MBD5: variants seen among roughly 807,000 people sequenced by gnomAD.
The protein encoded by MBD5 is methyl-CpG binding domain protein 5, also known as methyl-CpG-binding domain protein 5.
Under a neutral mutation model 117.3 loss-of-function variants are expected in MBD5, and 13 were observed. That is an observed-to-expected ratio of 0.11 (90% CI 0.07 to 0.18). MBD5 has a LOEUF of 0.18. Among genes scored for constraint, MBD5 ranks in the 10% least tolerant of loss-of-function variants. The pLI is 1.00. For synonymous variants in MBD5, 727 were observed against 766.4 expected (o/e 0.95, Z 0.85); for missense variants, 1,879 against 2,093.8 (o/e 0.90, Z 2.00).
chr2:148,029,322 G>T (rs1296660226), intron 1 of MBD5, among the ~76,000 whole-genome samples: 3 of 151,126 alleles, frequency 2.0e-5, no homozygotes, highest in Non-Finnish European at 2.9e-5. Context: ...TATTTAAATG[G>T]TCCACCTTAG....
chr2:148,079,921 A>G (rs1695606852), intron 1 of MBD5, among the ~76,000 whole-genome samples: 1 of 151,918 alleles, frequency 6.6e-6, no homozygotes, highest in African/African-American at 2.4e-5. Flanking sequence ...GCTTTTACCC[A>G]TTTTCCATAA....
At chr2:148,375,573 T>C (rs1345707502) in intron 4 of MBD5, among the ~76,000 whole-genome samples, 1 of 152,188 alleles carries the variant, frequency 6.6e-6, no homozygotes, top group Non-Finnish European at 1.5e-5. Context: ...TGCTGGGATA[T>C]GGGGTACTTG....
rs1287347970 is a variant in MBD5 at position 148,484,028 on chromosome 2, T to G, written c.3437T>G (p.Leu1146Trp). 9.0e-6 allele frequency: 14 copies of G among 1,550,356 alleles called. 1 individual carries two copies. In the South Asian group the frequency reaches 1.3e-4, roughly 14 times the overall value. ...GCAGTGGTGTCAATGGCAGAAACAT[T>G]GCTGAATATATCTAATAATGCTGGG... is the stretch of plus-strand genomic sequence containing the variant. ...GTAVVSMAET[L>W]LNISNNAGNT... Residue 1146 changes from leucine to tryptophan, a missense_variant, in exon 9 of 14, where the codon TTG (leucine) becomes TGG (tryptophan). Transcript: ENST00000642680.
chr2:148,363,890 G>A lies in MBD5; in HGVS notation c.-557+21554G>A, dbSNP rs1020243871. On this transcript the variant is annotated intron_variant, in intron 4 of 13. Coordinates refer to ENST00000642680, the MANE Select transcript of MBD5 (RefSeq NM_001378120.1). ...TTTGATTGGTGTACCTGAAAGTGAC[G>A]GGGAGAATGGAACCAAGTTGGAAAA... 5.3e-5 allele frequency among the ~76,000 whole-genome samples: 8 copies of A among 152,146 alleles called. No homozygotes were observed. In the East Asian group the frequency reaches 5.8e-4, roughly 11 times the overall value.
chr2:148,328,583 G>A (rs1197326313), intron 3 of MBD5, among the ~76,000 whole-genome samples: 1 of 152,208 alleles, frequency 6.6e-6, no homozygotes, highest in African/African-American at 2.4e-5. Context: ...CGCAGTATTC[G>A]GGTGGGAGTG....
At chr2:148,214,353 T>C (rs1291348139) in intron 2 of MBD5, among the ~76,000 whole-genome samples, 2 of 152,176 alleles carry the variant, frequency 1.3e-5, no homozygotes, top group Non-Finnish European at 1.5e-5. Flanking sequence ...TATGTAACTT[T>C]TTGCTGTCAA....
chr2:148,417,751 A>G (rs188884845), intron 4 of MBD5, among the ~76,000 whole-genome samples: 239 of 151,296 alleles, frequency 1.6e-3, no homozygotes, highest in Admixed American at 4.4e-3. Flanking sequence ...CGCCATTTGT[A>G]TATCTTCTTT....
At chr2:148,143,545 A>G (rs1413310664) in intron 1 of MBD5, among the ~76,000 whole-genome samples, 1 of 152,144 alleles carries the variant, frequency 6.6e-6, no homozygotes. Context: ...TTACATACAT[A>G]TGTATATGCC....
At chr2:148,083,390 A>G (rs1445738758) in intron 1 of MBD5, among the ~76,000 whole-genome samples, 1 of 152,158 alleles carries the variant, frequency 6.6e-6, no homozygotes, top group Non-Finnish European at 1.5e-5. Context: ...ATTTTAAATC[A>G]TAGCCTCTGG....
chr2:148,385,494 A>G (rs1022634477), intron 4 of MBD5, among the ~76,000 whole-genome samples: 2 of 152,096 alleles, frequency 1.3e-5, no homozygotes, highest in South Asian at 2.1e-4. Flanking sequence ...AAATAGGAAC[A>G]CTTTTACACT....
At chr2:148,358,924 G>A (rs1368422366) in intron 4 of MBD5, among the ~76,000 whole-genome samples, 1 of 152,134 alleles carries the variant, frequency 6.6e-6, no homozygotes, top group Non-Finnish European at 1.5e-5. Flanking sequence ...TTTGCATAGA[G>A]TAGCAGTAAG....
At chr2:148,147,473 C>G (rs952859206) in intron 1 of MBD5, among the ~76,000 whole-genome samples, 11 of 151,976 alleles carry the variant, frequency 7.2e-5, no homozygotes, top group Admixed American at 1.3e-4. Context: ...AACTCCTGAG[C>G]TCAAGTGATC....
Position 148,166,769 on chromosome 2 carries a change from A to G in MBD5, c.-924-11931A>G, listed in dbSNP as rs555359456. Among the ~76,000 whole-genome samples, 4 of 152,028 alleles carry G rather than the reference A, an allele frequency of 2.6e-5. 1 individual carries two copies. In the South Asian group the frequency reaches 8.3e-4, roughly 32 times the overall value. On this transcript the variant is annotated intron_variant, in intron 1 of 13. Transcript: ENST00000642680. ...GAAATTGTTGGAATTATTTGTGCCT[A>G]TTGGAATTTGTTGTGGTTATGTCAG...
At chr2:148,116,002 CCCAGCTAACTTTTGTATTT>C (rs1473599610) in intron 1 of MBD5, among the ~76,000 whole-genome samples, 1 of 152,062 alleles carries the variant, frequency 6.6e-6, no homozygotes, top group Admixed American at 6.5e-5. Context: ...TGCCACCACG[CCCAGCTAACTTTTGTATTT>C]TTTTTAGAGG....
At chr2:148,454,523 A>G (rs1438343873) in intron 4 of MBD5, among the ~76,000 whole-genome samples, 3 of 152,200 alleles carry the variant, frequency 2.0e-5, no homozygotes, top group Non-Finnish European at 4.4e-5. Context: ...TTCAAAATAC[A>G]TATAACAGTA....
In MBD5 at chr2:148,109,730, C is replaced by T. The variant is rs1481398628; in HGVS notation, c.-924-68970C>T. Among the ~76,000 whole-genome samples, 4 of 152,184 alleles carry T rather than the reference C, an allele frequency of 2.6e-5. No individual in the cohort carries two copies. In the East Asian group the frequency reaches 5.8e-4, roughly 22 times the overall value. ...CTGTAGGTTTTTGTTTAAATGGTTA[C>T]AAGTAACACCTCTTGGGAAAGTGGC... On this transcript the variant is annotated intron_variant, in intron 1 of 13. Coordinates refer to ENST00000642680, the MANE Select transcript of MBD5 (RefSeq NM_001378120.1).
intron 10 of MBD5, among the ~76,000 whole-genome samples, chr2:148,488,326 A>G (rs796580118): frequency 2.9e-4 from 44 of 152,326 alleles, no homozygotes; most frequent in African/African-American, 1.0e-3. Context: ...TAGTTGTGGA[A>G]ATGATTGATA....
intron 3 of MBD5, among the ~76,000 whole-genome samples, chr2:148,247,076 A>G (rs1324481054): frequency 6.6e-6 from 1 of 152,122 alleles, no homozygotes; most frequent in Non-Finnish European, 1.5e-5. Flanking sequence ...CTTTTTTTAA[A>G]TTGTCTAGAG....
chr2:148,260,892 A>C (rs144264568), intron 3 of MBD5, among the ~76,000 whole-genome samples: 3 of 152,234 alleles, frequency 2.0e-5, no homozygotes, highest in African/African-American at 7.2e-5. Flanking sequence ...CGTGGGCTAC[A>C]GAATAGCTAT....
Sources: allele counts gnomAD v4.1 joint callset (sites outside exome capture counted in the v4.1 genomes callset), GRCh38; gene constraint gnomAD v4.1.1; transcripts MANE v1.5; gene names NCBI Gene and HGNC (gene_info 2026-07-23, HGNC 2026-07-21).